Variants in PKP4 observed in about 807,000 individuals in gnomAD.
PKP4 encodes plakophilin 4.
Under a neutral mutation model 145.1 loss-of-function variants are expected in PKP4, and 90 were observed. The observed-to-expected ratio is 0.62, with a 90% confidence interval of 0.52 to 0.74. The LOEUF is 0.74. PKP4 is among the 30% of genes least tolerant of loss of function. The pLI, the probability that PKP4 is intolerant of heterozygous loss-of-function variation, is 0.00. For synonymous variants in PKP4, 563 were observed against 577.2 expected, an observed-to-expected ratio of 0.98 and a Z score of 0.35; for missense variants, 1,340 against 1,482.7, an observed-to-expected ratio of 0.90 and a Z score of 1.58.
intron 10 of PKP4, among the ~76,000 whole-genome samples, chr2:158,641,107 C>A (rs1453920902): frequency 6.6e-6 from 1 of 152,128 alleles, no homozygotes. Context: ...GAGACAGAGG[C>A]TGGCAGATCA....
chr2:158,546,747 T>G (rs2045081732), intron 2 of PKP4, among the ~76,000 whole-genome samples: 1 of 152,084 alleles, frequency 6.6e-6, no homozygotes, highest in Non-Finnish European at 1.5e-5. Flanking sequence ...TTTACAGACA[T>G]AGAGACAGTA....
chr2:158,486,294 A>G (rs990592399), intron 1 of PKP4, among the ~76,000 whole-genome samples: 13 of 152,222 alleles, frequency 8.5e-5, no homozygotes, highest in Non-Finnish European at 1.8e-4. Context: ...GCAAAGTAGA[A>G]TTGTTTTCCT....
At chr2:158,674,137 GAATCACACACC>G (rs1480019687) in intron 19 of PKP4, 137 bp downstream of exon 19, 7 of 724,766 alleles carry the variant, frequency 9.7e-6, no homozygotes, top group Non-Finnish European at 1.8e-5. Flanking sequence ...CCTTCTGTAG[GAATCACACACC>G]ATTATAAACC....
chr2:158,472,612 C>CAA (rs67665979), intron 1 of PKP4, among the ~76,000 whole-genome samples: 2,873 of 64,444 alleles, frequency 0.045, 221 homozygotes, highest in African/African-American at 0.15. Context: ...GGCTCCATCT[C>CAA]AAAAAAAAAA....
intron 6 of PKP4, among the ~76,000 whole-genome samples, 160 bp downstream of exon 6, chr2:158,621,581 A>T (rs1023868408): frequency 4.6e-5 from 7 of 152,114 alleles, no homozygotes; most frequent in Non-Finnish European, 8.8e-5. Context: ...CCCCGTCTCT[A>T]CTAAAAATAC....
At chr2:158,623,581 C>T (rs1231856854) in intron 6 of PKP4, among the ~76,000 whole-genome samples, 2 of 152,138 alleles carry the variant, frequency 1.3e-5, no homozygotes, top group African/African-American at 2.4e-5. Context: ...ATGTCTTCTC[C>T]CCTGCTATTG....
chr2:158,578,148 C>T (rs886121476), intron 3 of PKP4: 2 of 200,346 alleles, frequency 1.0e-5, no homozygotes, highest in Admixed American at 1.2e-4. Context: ...TTTCTAACCT[C>T]ATAATTATTC....
intron 2 of PKP4, among the ~76,000 whole-genome samples, chr2:158,550,112 C>T (rs2045464500): frequency 9.1e-6 from 1 of 109,930 alleles, no homozygotes; most frequent in Admixed American, 8.8e-5. Context: ...ATAGATCTCT[C>T]AGAATAAAAC....
At chr2:158,642,788 A>C in intron 11 of PKP4, 89 bp downstream of exon 11, 1 of 901,240 alleles carries the variant, frequency 1.1e-6, no homozygotes, top group Non-Finnish European at 1.7e-6. Context: ...GAAGAGTTGG[A>C]GGTTCCAGGT....
At chr2:158,662,839 A>G in intron 13 of PKP4, 58 bp from the exon 14 acceptor site, 7 of 1,367,794 alleles carry the variant, frequency 5.1e-6, no homozygotes, top group Non-Finnish European at 2.0e-6. Flanking sequence ...TTCAGTACAG[A>G]AGTGTTTTGC....
intron 1 of PKP4, among the ~76,000 whole-genome samples, chr2:158,489,516 C>G (rs192499832): frequency 1.5e-3 from 225 of 152,316 alleles, no homozygotes; most frequent in African/African-American, 5.3e-3. Flanking sequence ...AATGTTCCAG[C>G]TACCCATCGC....
intron 1 of PKP4, among the ~76,000 whole-genome samples, chr2:158,487,825 A>G (rs1574060865): frequency 6.6e-6 from 1 of 151,902 alleles, no homozygotes; most frequent in South Asian, 2.1e-4. Flanking sequence ...GGGAGGAAGG[A>G]AGGGAGGAAG....
Position 158,681,049 on chromosome 2 carries a change from A to G in PKP4, c.*372A>G, listed in dbSNP as rs1262618899. On this transcript the variant is annotated 3_prime_UTR_variant, in exon 22 of 22. Transcript: ENST00000389759. ...TTCTGATAGTTTGTACAGAAAAAAT[A>G]AAATGGATGCCCATGTTTTATTGCT... The G allele has an allele frequency of 1.7e-5, 3 of 174,122 alleles. No individual in the cohort carries two copies. Among genetic ancestry groups the G allele is most frequent in the African/African-American group, 7.1e-5 (3 of 42,082 alleles). 10.8% of individuals were successfully genotyped at this position (174,122 alleles called of 1,614,324 possible). A position where few individuals can be genotyped will look rare whatever the true frequency, so the allele number is the denominator to read the frequency against.
At chr2:158,587,877 A>G (rs1365273090) in intron 3 of PKP4, among the ~76,000 whole-genome samples, 1 of 151,314 alleles carries the variant, frequency 6.6e-6, no homozygotes, top group Admixed American at 6.6e-5. Context: ...GTACTTATAT[A>G]TTATATACAT....
At chr2:158,679,747 C>T (rs914103031) in intron 21 of PKP4, among the ~76,000 whole-genome samples, 1 of 152,228 alleles carries the variant, frequency 6.6e-6, no homozygotes, top group Non-Finnish European at 1.5e-5. Flanking sequence ...TACAGATGGA[C>T]TTAGCCCTGG....
At chr2:158,463,982 T>A (rs1371773941) in intron 1 of PKP4, among the ~76,000 whole-genome samples, 4 of 152,202 alleles carry the variant, frequency 2.6e-5, no homozygotes, top group Non-Finnish European at 4.4e-5. Flanking sequence ...GCTGCACATC[T>A]GCAGTTTGTC....
At position 158,554,205 on chromosome 2, in the gene PKP4, T is replaced by A. The variant is rs1455143674; in HGVS notation, c.132+20889T>A. Among the ~76,000 whole-genome samples, 795 of 151,740 alleles carry A rather than the reference T, an allele frequency of 5.2e-3. 4 individuals are homozygous for A. The highest frequency in any genetic ancestry group is 0.012 in the South Asian group (57 of 4,758). On this transcript the variant is annotated intron_variant, in intron 2 of 21. Coordinates refer to ENST00000389759, the MANE Select transcript of PKP4 (RefSeq NM_003628.6). ...TTCAGTAGCCTTCTGGCACTCACTG[T>A]CATTCGCTGAAGATTCAGCTCATGG...
intron 9 of PKP4, among the ~76,000 whole-genome samples, chr2:158,634,971 A>G (rs747239231): frequency 6.6e-6 from 1 of 152,240 alleles, no homozygotes; most frequent in Non-Finnish European, 1.5e-5. Flanking sequence ...GCCATTTAAA[A>G]TATTCAGGAA....
chr2:158,660,101 C>G (rs1193402438), intron 12 of PKP4: 2 of 152,662 alleles, frequency 1.3e-5, no homozygotes, highest in African/African-American at 2.4e-5. Flanking sequence ...ACACCTAGAT[C>G]TTTGGCTGGA....
Sources: gnomAD v4.1 joint callset for allele counts (sites outside exome capture counted in the v4.1 genomes callset) on GRCh38, gnomAD v4.1.1 for gene constraint, MANE v1.5 for transcripts, NCBI Gene and HGNC (gene_info 2026-07-23, HGNC 2026-07-21) for gene names.